FCRL4: variants seen among roughly 807,000 people sequenced by gnomAD.
The protein encoded by FCRL4 is Fc receptor like 4, also known as Fc receptor-like protein 4.
FCRL4 carries 43 observed loss-of-function variants against 64.1 expected under a neutral mutation model. The observed-to-expected ratio is 0.67, with a 90% confidence interval of 0.53 to 0.87. The LOEUF (loss-of-function observed/expected upper bound fraction) is 0.87. FCRL4 is among the 40% of genes least tolerant of loss of function. The pLI, the probability that FCRL4 is intolerant of heterozygous loss-of-function variation, is 0.00. For synonymous variants in FCRL4, 253 were observed against 239.8 expected (o/e 1.05, Z -0.51); for missense variants, 656 against 613.5 (o/e 1.07, Z -0.73).
chr1:157,596,483 A>G, intron 1 of FCRL4, 135 bp from the exon 2 acceptor site: 1 of 1,016,726 alleles, frequency 9.8e-7, no homozygotes, highest in Non-Finnish European at 1.5e-6. Flanking sequence ...ATCCCAGGGA[A>G]GCGGGGAAAC....
intron 6 of FCRL4, among the ~76,000 whole-genome samples, chr1:157,585,137 G>T (rs1050316511): frequency 6.6e-6 from 1 of 152,130 alleles, no homozygotes; most frequent in Non-Finnish European, 1.5e-5. Flanking sequence ...AGGGAGGTAA[G>T]GAGAGTGAAT....
chr1:157,589,256 G>A lies in FCRL4; in HGVS notation c.255C>T (p.Cys85=), dbSNP rs1652778891. The stretch of plus-strand genomic sequence containing the variant: ...TACTTCGTGGGGAGCCCCGGGCCTG[G>A]CATCTGTACAGTCCAGATTCCCGAA... The part of the protein sequence containing the change: ...LEVRESGLYR[C]QARGSPRSNP... Residue 85 remains cysteine, a synonymous_variant, in exon 3 of 12, where the codon TGC becomes TGT. Coordinates refer to ENST00000271532, the MANE Select transcript of FCRL4 (RefSeq NM_031282.3). 4 of 1,614,152 alleles carry A rather than the reference G, an allele frequency of 2.5e-6. No individual in the cohort carries two copies. In the East Asian group the frequency reaches 8.9e-5, roughly 36 times the overall value.
chr1:157,589,526 G>T, intron 2 of FCRL4, 68 bp from the exon 3 acceptor site: 1 of 1,569,516 alleles, frequency 6.4e-7, no homozygotes, highest in East Asian at 2.3e-5. Flanking sequence ...GGCTTGTGTG[G>T]GTTACAGTGG....
rs1281966028 is a variant in FCRL4, at chr1:157,573,760, G to T, written c.*1764C>A. 1 of 180,630 alleles carries T rather than the reference G, an allele frequency of 5.5e-6. No individual in the cohort carries two copies. Among genetic ancestry groups the T allele is most frequent in the African/African-American group, 2.4e-5 (1 of 42,394 alleles). The allele number at this position is 180,630 out of a possible 1,614,324, so 11.2% of individuals were successfully genotyped here. A position where few individuals can be genotyped will look rare whatever the true frequency, so the allele number is the denominator to read the frequency against. ...ATGTACGCCGAATTTACGTTAATAA[G>T]CTTTAATCTAATACTTCAGTATAAG... On this transcript the variant is annotated 3_prime_UTR_variant, in exon 12 of 12. Transcript: ENST00000271532.
chr1:157,590,050 G>A (rs1652805226), intron 2 of FCRL4, among the ~76,000 whole-genome samples: 1 of 152,162 alleles, frequency 6.6e-6, no homozygotes, highest in East Asian at 1.9e-4. Flanking sequence ...ATACCAGGAA[G>A]AGGAAGACTC....
intron 6 of FCRL4, among the ~76,000 whole-genome samples, chr1:157,582,329 A>AC (rs1392317131): frequency 1.3e-5 from 2 of 152,174 alleles, no homozygotes; most frequent in Non-Finnish European, 2.9e-5. Flanking sequence ...CATTGACCTA[A>AC]CCCTTGAAGA....
At chr1:157,596,745 A>G (rs865894850) in intron 1 of FCRL4, among the ~76,000 whole-genome samples, 7 of 152,266 alleles carry the variant, frequency 4.6e-5, no homozygotes, top group Middle Eastern at 6.8e-3. Context: ...ACTTATTATC[A>G]TAGCTAATTT....
At chr1:157,591,268 C>T (rs1017503098) in intron 2 of FCRL4, among the ~76,000 whole-genome samples, 1 of 152,062 alleles carries the variant, frequency 6.6e-6, no homozygotes, top group African/African-American at 2.4e-5. Context: ...TTGGTTTGGT[C>T]TTTAGGTGGA....
At chr1:157,577,488 T>G (rs1027858182) in intron 10 of FCRL4, among the ~76,000 whole-genome samples, 1 of 152,220 alleles carries the variant, frequency 6.6e-6, no homozygotes, top group Non-Finnish European at 1.5e-5. Flanking sequence ...CTTCCCATTT[T>G]AAACAATGAG....
chr1:157,589,290 G>A lies in FCRL4; in HGVS notation c.221C>T (p.Thr74Ile), dbSNP rs764294678. The change falls in exon 3 of 12, where the codon ACC becomes ATC. Residue 74 changes from threonine (T) to isoleucine (I), a missense_variant. Thr to Ile is a moderately conservative substitution (Grantham distance 89). Transcript: ENST00000271532. The part of the protein sequence containing the change: ...GEKLTLTPGN[T>I]LEVRESGLYR... ...CAGTCCAGATTCCCGAACCTCGAGGGTGTTTCCTGGGGTCAGGGTCAACTT... is the reference window on the plus strand; with the variant it reads ...CAGTCCAGATTCCCGAACCTCGAGGATGTTTCCTGGGGTCAGGGTCAACTT... 1.9e-6 allele frequency: 3 copies of A among 1,614,074 alleles called. No individual in the cohort carries two copies. Among genetic ancestry groups the A allele is most frequent in the Non-Finnish European group, 2.5e-6 (3 of 1,180,038 alleles).
rs1188678700 is a variant in FCRL4 at position 157,578,792 on chromosome 1, C to T, written c.1338G>A (p.Glu446=). 6.2e-7 allele frequency: 1 copy of T among 1,613,924 alleles called. No homozygotes were observed. The highest frequency in any genetic ancestry group is 8.5e-7 in the Non-Finnish European group (1 of 1,179,946). ...SSHSICPAQV[E]LQSLYVDVHP... is the part of the protein sequence containing the mutation. Reference sequence around the variant, plus strand: ...CACCATCAACATACAACGACTGAAGCTCCACCTGGGCAGGGCAGATGGAAT... The same window carrying T: ...CACCATCAACATACAACGACTGAAGTTCCACCTGGGCAGGGCAGATGGAAT... The change falls in exon 9 of 12, where the codon GAG becomes GAA. Residue 446 remains glutamate (E), a synonymous_variant. Transcript: ENST00000271532.
rs1285103367 is a variant in FCRL4, at chr1:157,598,081, A to G, written c.-137T>C. 3.1e-6 allele frequency: 2 copies of G among 642,592 alleles called. No individual in the cohort carries two copies. The highest frequency in any genetic ancestry group is 3.7e-5 in the South Asian group (2 of 53,878). The allele number at this position is 642,592 out of a possible 1,614,324, so 39.8% of individuals were successfully genotyped here. A position where few individuals can be genotyped will look rare whatever the true frequency, so the allele number is the denominator to read the frequency against. On this transcript the variant is annotated 5_prime_UTR_variant, in exon 1 of 12. Transcript: ENST00000271532. ...TCTTCTCTGCATAAAGCTGATTGAG[A>G]TAATGAAGTGAAAGGGGGAAGTAGA...
At chr1:157,589,811 G>T (rs1652797916) in intron 2 of FCRL4, among the ~76,000 whole-genome samples, 1 of 140,072 alleles carries the variant, frequency 7.1e-6, no homozygotes, top group Non-Finnish European at 1.5e-5. Flanking sequence ...CTGGGATCTT[G>T]TTGTTACAGA....
At chr1:157,591,796 C>T (rs1399940634) in intron 2 of FCRL4, among the ~76,000 whole-genome samples, 1 of 152,194 alleles carries the variant, frequency 6.6e-6, no homozygotes, top group Non-Finnish European at 1.5e-5. Context: ...AGTGACTTCT[C>T]TTCCTCTTTC....
In FCRL4 at chr1:157,586,285, G is replaced by T; in HGVS notation, c.1018C>A (p.Leu340Met). 1.9e-6 allele frequency: 3 copies of T among 1,614,010 alleles called. No individual in the cohort carries two copies. Among genetic ancestry groups the T allele is most frequent in the Non-Finnish European group, 2.5e-6 (3 of 1,179,984 alleles). Residue 340 changes from leucine (L) to methionine (M), a missense_variant, in exon 6 of 12, where the codon CTG becomes ATG. Transcript: ENST00000271532. ...ESLGRKTQRS[L>M]RAELELPAIR... ...GCAGGGAGCTCCAGCTCTGCTCTCA[G>T]GGAACGCTGAGTTTTCCTCCCCAGA...
chr1:157,575,730 G>A lies in FCRL4; in HGVS notation c.1430C>T (p.Ala477Val). The change falls in exon 11 of 12, where the codon GCT becomes GTT. Residue 477 changes from alanine (A) to valine (V), a missense_variant and splice_region_variant. Transcript: ENST00000271532. Reference sequence around the variant, plus strand: ...CTCTAGAAGTGTCCTGGAGGTATTAGCTGTGGACAGAAAGAGAATCACTGG... The same window carrying A: ...CTCTAGAAGTGTCCTGGAGGTATTAACTGTGGACAGAAAGAGAATCACTGG... Reference protein sequence around the residue: ...QTTQLGEEEEANTSRTLLEDK... With the variant: ...QTTQLGEEEEVNTSRTLLEDK... 6.2e-7 allele frequency: 1 copy of A among 1,613,664 alleles called. No individual in the cohort carries two copies. Among genetic ancestry groups the A allele is most frequent in the South Asian group, 1.1e-5 (1 of 91,064 alleles).
At chr1:157,582,968 CA>C (rs1404773785) in intron 6 of FCRL4, among the ~76,000 whole-genome samples, 1 of 152,202 alleles carries the variant, frequency 6.6e-6, no homozygotes, top group Non-Finnish European at 1.5e-5. Flanking sequence ...GGGCAGAAAG[CA>C]AGTTACTCTA....
Position 157,578,470 on chromosome 1 carries a change from G to T in FCRL4, c.1429+4C>A. 1 of 1,610,652 alleles carries T rather than the reference G, an allele frequency of 6.2e-7. No individual in the cohort carries two copies. Among genetic ancestry groups the T allele is most frequent in the Non-Finnish European group, 8.5e-7 (1 of 1,176,888 alleles). ...GCAGCCAGAATCTCTTCCCAAAGAC[G>T]TACCTTCCTCTTCTTCTCCCAGCTG... On this transcript the variant is annotated splice_donor_region_variant and intron_variant, in intron 10 of 11. Transcript: ENST00000271532.
chr1:157,589,052 C>A, intron 3 of FCRL4, 152 bp downstream of exon 3: 1 of 841,260 alleles, frequency 1.2e-6, no homozygotes, highest in Non-Finnish European at 1.8e-6. Context: ...GTTTGAAAAA[C>A]ATTTGTAGAC....
Sources: gnomAD v4.1 joint callset for allele counts (sites outside exome capture counted in the v4.1 genomes callset) on GRCh38, gnomAD v4.1.1 for gene constraint, MANE v1.5 for transcripts, NCBI Gene and HGNC (gene_info 2026-07-23, HGNC 2026-07-21) for gene names.